RAPGEF5: variants seen among roughly 807,000 people sequenced by gnomAD.
RAPGEF5 encodes M-Ras-regulated GEF.
RAPGEF5 carries 65 observed loss-of-function variants against 125.2 expected under a neutral mutation model. The ratio of observed to expected loss-of-function variants is 0.52; its 90% CI spans 0.43 to 0.64. The LOEUF (loss-of-function observed/expected upper bound fraction) is 0.64. RAPGEF5 is among the 30% of genes least tolerant of loss of function. The pLI, the probability that RAPGEF5 is intolerant of heterozygous loss-of-function variation, is 0.00. For synonymous variants in RAPGEF5, 391 were observed against 385.9 expected (o/e 1.01, Z -0.16); for missense variants, 958 against 1,048.1 (o/e 0.91, Z 1.19).
chr7:22,131,180 G>A, intron 23 of RAPGEF5, 79 bp from the exon 24 acceptor site: 1 of 1,409,038 alleles, frequency 7.1e-7, no homozygotes, highest in Non-Finnish European at 9.3e-7. Flanking sequence ...TAGGTACAAT[G>A]CAACTTATTC....
chr7:22,297,835 C>G (rs2128149273), intron 5 of RAPGEF5, among the ~76,000 whole-genome samples: 1 of 152,256 alleles, frequency 6.6e-6, no homozygotes, highest in Non-Finnish European at 1.5e-5. Context: ...TTGTTCTGAT[C>G]TTAGTAGGCA....
At chr7:22,165,483 T>C (rs557963177) in intron 12 of RAPGEF5, among the ~76,000 whole-genome samples, 2 of 152,318 alleles carry the variant, frequency 1.3e-5, no homozygotes, top group South Asian at 4.1e-4. Flanking sequence ...TCGCTATTGC[T>C]AAATGTCTTA....
At chr7:22,210,453 AC>A (rs149591119) in intron 9 of RAPGEF5, among the ~76,000 whole-genome samples, 4,904 of 152,282 alleles carry the variant, frequency 0.032, 204 homozygotes, top group South Asian at 0.16. Context: ...CAAAAATTTT[AC>A]CTTGACACAT....
intron 11 of RAPGEF5, chr7:22,191,612 G>A (rs1410435588): frequency 6.4e-6 from 3 of 470,924 alleles, no homozygotes; most frequent in East Asian, 1.4e-4. Flanking sequence ...CATGGCAGAA[G>A]TGACACATGT....
At chr7:22,154,848 T>C (rs115646963) in intron 16 of RAPGEF5, among the ~76,000 whole-genome samples, 121 of 152,258 alleles carry the variant, frequency 7.9e-4, no homozygotes, top group African/African-American at 2.8e-3. Context: ...CAAGCACAAG[T>C]AGTATTTAAT....
chr7:22,238,430 A>C (rs1405106984), intron 7 of RAPGEF5, among the ~76,000 whole-genome samples: 1 of 152,210 alleles, frequency 6.6e-6, no homozygotes, highest in East Asian at 1.9e-4. Context: ...AAGCACATAC[A>C]TGGATAAAAT....
intron 1 of RAPGEF5, among the ~76,000 whole-genome samples, chr7:22,346,168 C>G (rs1784221198): frequency 6.6e-6 from 1 of 152,160 alleles, no homozygotes; most frequent in African/African-American, 2.4e-5. Flanking sequence ...TTCCCTATCC[C>G]ACCATTGGTT....
chr7:22,238,522 T>A (rs976490272), intron 7 of RAPGEF5, among the ~76,000 whole-genome samples: 1 of 152,204 alleles, frequency 6.6e-6, no homozygotes, highest in African/African-American at 2.4e-5. Context: ...CCAACTAGTC[T>A]ATAGGCTGGT....
chr7:22,160,743 G>T (rs1783962322), intron 13 of RAPGEF5, 128 bp from the exon 14 acceptor site: 1 of 1,108,150 alleles, frequency 9.0e-7, no homozygotes. Context: ...GTTTCACCAG[G>T]TGCCAATGAG....
chr7:22,305,371 C>G (rs111383824), intron 5 of RAPGEF5, among the ~76,000 whole-genome samples: 1,576 of 152,242 alleles, frequency 0.01, 26 homozygotes, highest in African/African-American at 0.036. Context: ...ATTAACTATT[C>G]AGTATTGTCA....
Position 22,193,439 on chromosome 7 carries a change from C to G in RAPGEF5, c.1132G>C (p.Gly378Arg), listed in dbSNP as rs1785059032. 6.3e-7 allele frequency: 1 copy of G among 1,592,892 alleles called. No individual in the cohort carries two copies. Among genetic ancestry groups the G allele is most frequent in the Non-Finnish European group, 8.6e-7 (1 of 1,169,098 alleles). The change falls in exon 11 of 26, where the codon GGG becomes CGG. Residue 378 changes from glycine (G) to arginine (R), a missense_variant. Coordinates refer to ENST00000665637, the MANE Select transcript of RAPGEF5 (RefSeq NM_012294.5). The stretch of plus-strand genomic sequence containing the variant: ...TGCTCCAAAATCTTCTCCGGGGTCC[C>G]GGACACCACCACATATCTGTCAGAG... Reference protein sequence around the residue: ...ESHWRYVVVSGTPEKILEHLL... With the variant: ...ESHWRYVVVSRTPEKILEHLL...
At chr7:22,297,629 C>T (rs543028454) in intron 5 of RAPGEF5, among the ~76,000 whole-genome samples, 1 of 152,336 alleles carries the variant, frequency 6.6e-6, no homozygotes, top group South Asian at 2.1e-4. Flanking sequence ...GAACAAGACG[C>T]TAGATGGCCA....
intron 12 of RAPGEF5, among the ~76,000 whole-genome samples, chr7:22,165,429 A>G (rs1003781111): frequency 6.6e-6 from 1 of 152,222 alleles, no homozygotes; most frequent in Non-Finnish European, 1.5e-5. Flanking sequence ...TAGCTCACAG[A>G]TATTTTTCCA....
At chr7:22,320,618 T>G (rs1172002775) in intron 1 of RAPGEF5, among the ~76,000 whole-genome samples, 1 of 152,150 alleles carries the variant, frequency 6.6e-6, no homozygotes, top group Non-Finnish European at 1.5e-5. Flanking sequence ...ATACAATCAC[T>G]CAGCTGTTTT....
intron 7 of RAPGEF5, among the ~76,000 whole-genome samples, chr7:22,254,348 C>A (rs1034549584): frequency 4.6e-5 from 7 of 151,710 alleles, no homozygotes; most frequent in Non-Finnish European, 1.0e-4. Flanking sequence ...GTGGCTTACA[C>A]CTGTAATCCC....
At chr7:22,264,858 T>C (rs1782243489) in intron 7 of RAPGEF5, among the ~76,000 whole-genome samples, 1 of 152,202 alleles carries the variant, frequency 6.6e-6, no homozygotes, top group Admixed American at 6.5e-5. Context: ...TCAAATCCTA[T>C]CCTTCAAGAC....
intron 7 of RAPGEF5, among the ~76,000 whole-genome samples, chr7:22,253,062 G>C (rs1480301097): frequency 6.6e-6 from 1 of 152,094 alleles, no homozygotes. Context: ...TCAGCAAGCA[G>C]GGACAGAAGA....
At chr7:22,237,877 T>C (rs1786232203) in intron 7 of RAPGEF5, among the ~76,000 whole-genome samples, 1 of 152,184 alleles carries the variant, frequency 6.6e-6, no homozygotes, top group Admixed American at 6.5e-5. Flanking sequence ...ATTCAGACAG[T>C]AATAATTATA....
At chr7:22,348,451 G>T (rs139375506) in intron 1 of RAPGEF5, among the ~76,000 whole-genome samples, 1 of 152,258 alleles carries the variant, frequency 6.6e-6, no homozygotes, top group Non-Finnish European at 1.5e-5. Context: ...CATAAATCCT[G>T]GGTTACAAGG....
Sources: gnomAD v4.1 joint callset for allele counts (sites outside exome capture counted in the v4.1 genomes callset) on GRCh38, gnomAD v4.1.1 for gene constraint, MANE v1.5 for transcripts, NCBI Gene and HGNC (gene_info 2026-07-23, HGNC 2026-07-21) for gene names.